The following ATXN2L variants were observed in gnomAD, a reference collection of about 807,000 sequenced individuals.
ATXN2L encodes the protein ataxin-2-like protein.
In ATXN2L, 24 loss-of-function variants were observed where a neutral mutation model predicts 120.7. That is an observed-to-expected ratio of 0.20 (90% CI 0.14 to 0.28). The LOEUF is 0.28. ATXN2L is among the 10% of genes least tolerant of loss of function. ATXN2L has a pLI of 1.00. For synonymous variants in ATXN2L, 653 were observed against 568.1 expected (o/e 1.15, Z -2.13); for missense variants, 1,312 against 1,432.3 (o/e 0.92, Z 1.36).
intron 11 of ATXN2L, 33 bp downstream of exon 11, chr16:28,832,432 A>G (rs552712979): frequency 6.2e-7 from 1 of 1,612,122 alleles, no homozygotes; most frequent in East Asian, 2.2e-5. Context: ...CTGTGAATGC[A>G]TATTTAGTGT....
Position 28,823,553 on chromosome 16 carries a change from C to G in ATXN2L, c.294C>G (p.Ser98Arg). The G allele has an allele frequency of 7.4e-7, 1 of 1,351,316 alleles. No individual in the cohort carries two copies. Among genetic ancestry groups the G allele is most frequent in the Non-Finnish European group, 9.5e-7 (1 of 1,055,138 alleles). The allele number at this position is 1,351,316 out of a possible 1,614,324, so 83.7% of individuals were successfully genotyped here. ...QERPGAAAIG[S>R]ARGQSTGKGP... ...GGCCGGGGGCAGCCGCCATCGGCAG[C>G]GCCAGGTGAGAAGGGTGGGCTCCGG... Residue 98 changes from serine to arginine, a missense_variant, in exon 1 of 22, where the codon AGC (serine) becomes AGG (arginine). Coordinates refer to ENST00000336783, the MANE Select transcript of ATXN2L (RefSeq NM_007245.4).
chr16:28,829,684 C>G, intron 7 of ATXN2L, 174 bp from the exon 8 acceptor site: 1 of 777,546 alleles, frequency 1.3e-6, no homozygotes, highest in South Asian at 1.8e-5. Context: ...CTCACATTCC[C>G]AGATAAGCCT....
In ATXN2L at chr16:28,835,576, G is replaced by T. The variant is rs1321494877; in HGVS notation, c.2713G>T (p.Gly905Cys). 6.2e-7 allele frequency: 1 copy of T among 1,613,788 alleles called. No homozygotes were observed. The highest frequency in any genetic ancestry group is 8.5e-7 in the Non-Finnish European group (1 of 1,179,940). ...TCAGGCGGGGCAGGCCCCACACTTGGGCAGTGGACAGCCACAGCAGAATCT... is the reference window on the plus strand; with the variant it reads ...TCAGGCGGGGCAGGCCCCACACTTGTGCAGTGGACAGCCACAGCAGAATCT... ...QHQAGQAPHL[G>C]SGQPQQNLYH... Residue 905 changes from glycine to cysteine, a missense_variant, in exon 21 of 22, where the codon GGC (glycine) becomes TGC (cysteine). Gly to Cys is a radical substitution (Grantham distance 159, BLOSUM62 -3). Coordinates refer to ENST00000336783, the MANE Select transcript of ATXN2L (RefSeq NM_007245.4).
intron 5 of ATXN2L, 133 bp downstream of exon 5, chr16:28,826,523 C>CT (rs368900223): frequency 2.1e-4 from 215 of 1,020,560 alleles, no homozygotes; most frequent in Admixed American, 5.3e-4. Flanking sequence ...GCTTTAATGC[C>CT]TTTTTTTTCC....
At chr16:28,823,857 G>T (rs1177418351) in intron 1 of ATXN2L, 2 of 330,994 alleles carry the variant, frequency 6.0e-6, no homozygotes, top group East Asian at 5.0e-5. Context: ...GAGTTGGGGG[G>T]GGGCAAGGAG....
At position 28,834,302 on chromosome 16, in the gene ATXN2L, G is replaced by A. The variant is rs201879825; in HGVS notation, c.2173-41G>A. On this transcript the variant is annotated intron_variant, in intron 16 of 21. Coordinates refer to ENST00000336783, the MANE Select transcript of ATXN2L (RefSeq NM_007245.4). ...CCAGGTCAGGCCTGTCTGGGCATTC[G>A]TGAGCGAGTCATTCAGCCTCATCTG... 7.3e-4 allele frequency: 1,172 copies of A among 1,611,838 alleles called. 2 individuals carry two copies. The highest frequency in any genetic ancestry group is 9.4e-4 in the Non-Finnish European group (1,109 of 1,178,070).
chr16:28,824,113 C>A, intron 1 of ATXN2L: 1 of 1,015,508 alleles, frequency 9.8e-7, no homozygotes, highest in Non-Finnish European at 1.2e-6. Flanking sequence ...GGGAGGACTG[C>A]GGGCCGGGAG....
At chr16:28,831,653 G>A (rs1191019107) in intron 10 of ATXN2L, among the ~76,000 whole-genome samples, 4 of 152,144 alleles carry the variant, frequency 2.6e-5, no homozygotes, top group African/African-American at 7.2e-5. Context: ...AAAACAGGCC[G>A]AGGTAGGCAG....
intron 1 of ATXN2L, 22 bp downstream of exon 1, chr16:28,823,580 C>T: frequency 7.6e-7 from 1 of 1,308,334 alleles, no homozygotes; most frequent in Non-Finnish European, 9.7e-7. Context: ...GGGCTCCGGG[C>T]GAGGGAGCCG....
intron 15 of ATXN2L, chr16:28,833,828 G>A: frequency 3.1e-6 from 2 of 637,078 alleles, no homozygotes; most frequent in Non-Finnish European, 5.4e-6. Flanking sequence ...CAGCTGACTT[G>A]GCTTGAGCCC....
intron 1 of ATXN2L, chr16:28,824,343 C>G: frequency 1.7e-6 from 2 of 1,210,630 alleles, no homozygotes; most frequent in South Asian, 1.4e-5. Flanking sequence ...GCGCAGTGGG[C>G]TCTGATCGCT....
chr16:28,835,925 T>C lies in ATXN2L; in HGVS notation c.2896-8T>C, dbSNP rs12928404. ...TGGTCTTCCCGGCTACTTTTTTGTTTTCCACAGGCCCATGTCCAAACTGGA... is the reference window on the plus strand; with the variant it reads ...TGGTCTTCCCGGCTACTTTTTTGTTCTCCACAGGCCCATGTCCAAACTGGA... On this transcript the variant is annotated splice_region_variant and splice_polypyrimidine_tract_variant and intron_variant, in intron 21 of 21. Transcript: ENST00000336783. 639,787 of 1,544,904 alleles carry C rather than the reference T, an allele frequency of 0.41. 135,860 individuals are homozygous for C. The highest frequency in any genetic ancestry group is 0.6 in the Admixed American group (30,676 of 51,358).
Position 28,825,836 on chromosome 16 carries a change from T to C in ATXN2L, c.460T>C (p.Ser154Pro). The change falls in exon 4 of 22, where the codon TCA (serine) becomes CCA (proline). Residue 154 changes from serine (S) to proline (P), a missense_variant. By Grantham distance (74) the Ser-to-Pro change is moderately conservative. Transcript: ENST00000336783. ...TYEGIFKTLS[S>P]KFELAVDAVH... ...TGAGGGTATCTTCAAGACGCTAAGC[T>C]CAAAGGTCAGTGTACTCAAATTTAA... 6.2e-7 allele frequency: 1 copy of C among 1,612,912 alleles called. No homozygotes were observed. Among genetic ancestry groups the C allele is most frequent in the Non-Finnish European group, 8.5e-7 (1 of 1,178,908 alleles).
chr16:28,836,515 C>T lies in ATXN2L; in HGVS notation c.*250C>T, dbSNP rs774696375. 1.9e-6 allele frequency: 3 copies of T among 1,600,320 alleles called. No homozygotes were observed. Among genetic ancestry groups the T allele is most frequent in the South Asian group, 1.1e-5 (1 of 89,340 alleles). ...GGTCAGTGCAGCAGACAGGGCCAGACTGGGGTGTGGGGGGCTGAGCTGGGC... is the reference window on the plus strand; with the variant it reads ...GGTCAGTGCAGCAGACAGGGCCAGATTGGGGTGTGGGGGGCTGAGCTGGGC... On this transcript the variant is annotated 3_prime_UTR_variant, in exon 22 of 22. Transcript: ENST00000336783.
intron 1 of ATXN2L, chr16:28,824,039 C>T: frequency 2.1e-6 from 2 of 948,466 alleles, no homozygotes; most frequent in South Asian, 4.2e-5. Flanking sequence ...TGCTGCCTCC[C>T]CCTTCCCGGT....
intron 6 of ATXN2L, among the ~76,000 whole-genome samples, chr16:28,829,144 A>T (rs2053422393): frequency 6.6e-6 from 1 of 152,122 alleles, no homozygotes; most frequent in Non-Finnish European, 1.5e-5. Context: ...CTAGGACCCC[A>T]GGCATGCACC....
intron 1 of ATXN2L, 29 bp from the exon 2 acceptor site, chr16:28,825,337 C>G: frequency 1.9e-6 from 3 of 1,611,998 alleles, no homozygotes; most frequent in Non-Finnish European, 2.5e-6. Flanking sequence ...CTTGAACAGA[C>G]TTAAGTAATT....
At position 28,836,146 on chromosome 16, in the gene ATXN2L, G is replaced by A; in HGVS notation, c.3109G>A (p.Gly1037Arg). Residue 1037 changes from glycine to arginine, a missense_variant, in exon 22 of 22, where the codon GGA becomes AGA. By Grantham distance (125) the Gly-to-Arg change is moderately radical. Transcript: ENST00000336783. ...AGGTGAGCAGCCTGGCCAGGCGCCT[G>A]GATTTCCAGGAGGAGCCGATGACAG... ...PQGEQPGQAP[G>R]FPGGADDRIR... 6.2e-7 allele frequency: 1 copy of A among 1,614,140 alleles called. No individual in the cohort carries two copies. The highest frequency in any genetic ancestry group is 8.5e-7 in the Non-Finnish European group (1 of 1,179,992).
rs1443235713 is a variant in ATXN2L at position 28,832,321 on chromosome 16, G to T, written c.1438G>T (p.Val480Leu). ...AVPTSSASIP[V>L]TSSVSDPGVG... ...GCCAACCTCTTCAGCCTCCATCCCT[G>T]TGACCTCATCAGTCTCAGATCCTGG... The change falls in exon 11 of 22, where the codon GTG becomes TTG. Residue 480 changes from valine to leucine, a missense_variant. Transcript: ENST00000336783. 2 of 1,614,088 alleles carry T rather than the reference G, an allele frequency of 1.2e-6. No homozygotes were observed. Among genetic ancestry groups the T allele is most frequent in the South Asian group, 2.2e-5 (2 of 91,082 alleles).
Sources: allele counts gnomAD v4.1 joint callset (sites outside exome capture counted in the v4.1 genomes callset), GRCh38; gene constraint gnomAD v4.1.1; transcripts MANE v1.5; gene names NCBI Gene and HGNC (gene_info 2026-07-23, HGNC 2026-07-21).